Variants in ARHGEF10 observed in about 807,000 individuals in gnomAD.
The protein encoded by ARHGEF10 is Rho guanine nucleotide exchange factor 10, also known as Rho guanine nucleotide exchange factor (GEF) 10.
ARHGEF10 carries 140 observed loss-of-function variants against 147.4 expected under a neutral mutation model. That is an observed-to-expected ratio of 0.95 (90% CI 0.83 to 1.09). The LOEUF is 1.09. Ranked by LOEUF, ARHGEF10 falls within the 50% of genes least tolerant of loss-of-function variation. ARHGEF10 has a pLI of 0.00. For synonymous variants in ARHGEF10, 902 were observed against 695.8 expected (o/e 1.30, Z -4.67); for missense variants, 2,222 against 1,752.7 (o/e 1.27, Z -4.78).
At chr8:1,830,101 G>A (rs751176660) in intron 1 of ARHGEF10, among the ~76,000 whole-genome samples, 1 of 152,212 alleles carries the variant, frequency 6.6e-6, no homozygotes. Context: ...TCCCCGCTCC[G>A]TTCTGTCTGC....
Position 1,948,218 on chromosome 8 carries a change from A to C in ARHGEF10, c.3397+2563A>C, listed in dbSNP as rs561805024. On this transcript the variant is annotated intron_variant, in intron 27 of 28. Transcript: ENST00000349830. The surrounding 1 kb of genome is among the most constrained non-coding windows in gnomAD (Gnocchi z 4.9). ...GCGCCCACTCTCCCGGGCCCCTCCA[A>C]CATCCTGGGCTGGCTCTCCATGGCC... Among the ~76,000 whole-genome samples the C allele has an allele frequency of 6.6e-6, 1 of 152,130 alleles. No homozygotes were observed. Among genetic ancestry groups the C allele is most frequent in the East Asian group, 1.9e-4 (1 of 5,150 alleles).
intron 27 of ARHGEF10, among the ~76,000 whole-genome samples, chr8:1,950,264 G>A (rs1814923711): frequency 6.6e-6 from 1 of 152,198 alleles, no homozygotes; most frequent in African/African-American, 2.4e-5. Context: ...GGTCACTGTT[G>A]GTGCTTCCGG....
At chr8:1,923,992 A>G (rs1812494132) in intron 21 of ARHGEF10, 118 bp downstream of exon 21, 1 of 974,234 alleles carries the variant, frequency 1.0e-6, no homozygotes, top group African/African-American at 1.6e-5. Context: ...CATTGACCTG[A>G]AAGAGTGTTT....
At chr8:1,952,109 C>G (rs1815106049) in intron 27 of ARHGEF10, among the ~76,000 whole-genome samples, 1 of 152,250 alleles carries the variant, frequency 6.6e-6, no homozygotes, top group Admixed American at 6.5e-5. Context: ...GCCTCAAAGG[C>G]CCTTCTCACC....
intron 13 of ARHGEF10, among the ~76,000 whole-genome samples, chr8:1,895,993 G>A (rs1809940355): frequency 6.6e-6 from 1 of 152,158 alleles, no homozygotes; most frequent in African/African-American, 2.4e-5. Flanking sequence ...CTTGCCTGGA[G>A]GTTGAACCCA....
intron 6 of ARHGEF10, among the ~76,000 whole-genome samples, chr8:1,867,384 A>T (rs1418182881): frequency 1.3e-5 from 2 of 152,246 alleles, no homozygotes; most frequent in African/African-American, 4.8e-5. Flanking sequence ...TTTCAAAAAC[A>T]GGAAACATCC....
intron 24 of ARHGEF10, 47 bp downstream of exon 24, chr8:1,928,697 T>C (rs1812878006): frequency 6.3e-7 from 1 of 1,597,244 alleles, no homozygotes; most frequent in Non-Finnish European, 8.6e-7. Context: ...GCTCTGCCCA[T>C]GGAGGGCGTG....
chr8:1,859,613 G>A (rs1490444366), intron 3 of ARHGEF10, among the ~76,000 whole-genome samples: 2 of 151,762 alleles, frequency 1.3e-5, no homozygotes, highest in Non-Finnish European at 2.9e-5. Context: ...TCTTGGTGAG[G>A]GGAGCAGCTG....
At chr8:1,947,706 T>G (rs1489388071) in intron 27 of ARHGEF10, among the ~76,000 whole-genome samples, 1 of 118,486 alleles carries the variant, frequency 8.4e-6, no homozygotes, top group Admixed American at 9.1e-5. Flanking sequence ...CACCCTCTCA[T>G]CCCAGCATCC....
chr8:1,874,118 C>G lies in ARHGEF10; in HGVS notation c.680-2453C>G, dbSNP rs144482042. 1.1e-4 allele frequency among the ~76,000 whole-genome samples: 17 copies of G among 152,360 alleles called. No homozygotes were observed. In the East Asian group the frequency reaches 3.3e-3, roughly 29 times the overall value. On this transcript the variant is annotated intron_variant, in intron 7 of 28. Transcript: ENST00000349830. The stretch of plus-strand genomic sequence containing the variant: ...AACGTTCAATTTTAGAACCACAAAT[C>G]TGCCAGCCCAGGCATTCAAGAGGAA...
At chr8:1,942,740 G>C (rs960092947) in intron 26 of ARHGEF10, among the ~76,000 whole-genome samples, 7 of 152,214 alleles carry the variant, frequency 4.6e-5, no homozygotes, top group African/African-American at 1.4e-4. Flanking sequence ...CATACATGAG[G>C]ATTGGTTTCA....
rs57422654 is a variant in ARHGEF10 at position 1,866,422 on chromosome 8, GACAC to G, written c.546-79_546-76del. 217,412 of 715,426 alleles carry G rather than the reference GACAC, an allele frequency of 0.3. 9,063 individuals are homozygous for G. The highest frequency in any genetic ancestry group is 0.4 in the East Asian group (15,089 of 37,578). The allele number at this position is 715,426 out of a possible 1,614,324, so 44.3% of individuals were successfully genotyped here. On this transcript the variant is annotated intron_variant, in intron 5 of 28. Coordinates refer to ENST00000349830, the MANE Select transcript of ARHGEF10 (RefSeq NM_014629.4). The stretch of plus-strand genomic sequence containing the variant: ...ATAGTAACATATATATATATATTCT[GACAC>G]ACACACACACACACACACACACACT...
At chr8:1,881,049 C>CAGAA (rs1182854450) in intron 9 of ARHGEF10, among the ~76,000 whole-genome samples, 1 of 152,160 alleles carries the variant, frequency 6.6e-6, no homozygotes, top group Non-Finnish European at 1.5e-5. Flanking sequence ...AGGGCGCCAT[C>CAGAA]AGAACCATGG....
chr8:1,903,434 G>C lies in ARHGEF10; in HGVS notation c.1804G>C (p.Glu602Gln). The stretch of plus-strand genomic sequence containing the variant: ...GAAGCAAATAGCCAAAGCCATAAAC[G>C]AAAGATACCTGAACAAGGTTGAGAG... The part of the protein sequence containing the change: ...EVKQIAKAIN[E>Q]RYLNKLLSSG... The change falls in exon 16 of 29, where the codon GAA becomes CAA. Residue 602 changes from glutamate to glutamine, a missense_variant. Glu to Gln is a conservative substitution (Grantham distance 29). Coordinates refer to ENST00000349830, the MANE Select transcript of ARHGEF10 (RefSeq NM_014629.4). 1 of 1,614,188 alleles carries C rather than the reference G, an allele frequency of 6.2e-7. No homozygotes were observed. The highest frequency in any genetic ancestry group is 8.5e-7 in the Non-Finnish European group (1 of 1,180,040).
At chr8:1,860,927 C>T (rs1806077189) in intron 4 of ARHGEF10, among the ~76,000 whole-genome samples, 1 of 152,174 alleles carries the variant, frequency 6.6e-6, no homozygotes. Flanking sequence ...CCCTGTTTCC[C>T]ACTCATGCTT....
rs559749334 is a variant in ARHGEF10 at position 1,885,580 on chromosome 8, C to G, written c.1076-21C>G. On this transcript the variant is annotated intron_variant, in intron 10 of 28. Coordinates refer to ENST00000349830, the MANE Select transcript of ARHGEF10 (RefSeq NM_014629.4). Reference sequence around the variant, plus strand: ...ATATTATTTGAATGTAAAATTCATGCATTTTGACTTTTTTTTTAAGATCAC... The same window carrying G: ...ATATTATTTGAATGTAAAATTCATGGATTTTGACTTTTTTTTTAAGATCAC... The G allele has an allele frequency of 2.1e-4, 309 of 1,507,114 alleles. 4 individuals are homozygous for G. The highest frequency in any genetic ancestry group is 7.2e-4 in the South Asian group (64 of 88,700). The allele number at this position is 1,507,114 out of a possible 1,614,324, so 93.4% of individuals were successfully genotyped here.
At chr8:1,912,703 G>T (rs542204635) in intron 18 of ARHGEF10, among the ~76,000 whole-genome samples, 73 of 152,280 alleles carry the variant, frequency 4.8e-4, no homozygotes, top group African/African-American at 1.3e-3. Context: ...CCATGGATTG[G>T]TTTAAGCTCC....
intron 9 of ARHGEF10, among the ~76,000 whole-genome samples, chr8:1,881,567 C>T (rs780714515): frequency 1.4e-5 from 2 of 146,940 alleles, no homozygotes; most frequent in Admixed American, 6.6e-5. Context: ...AGGGGAGCCC[C>T]CGGGGGATGG....
intron 26 of ARHGEF10, among the ~76,000 whole-genome samples, chr8:1,935,423 T>A (rs1051372259): frequency 1.3e-5 from 2 of 152,224 alleles, no homozygotes; most frequent in African/African-American, 4.8e-5. Context: ...GTGGGTTCAC[T>A]GCCCTGGAAA....
Sources: gnomAD v4.1 joint callset for allele counts (sites outside exome capture counted in the v4.1 genomes callset) on GRCh38, gnomAD v4.1.1 for gene constraint, Gnocchi (gnomAD v3.1) non-coding constraint, MANE v1.5 for transcripts, NCBI Gene and HGNC (gene_info 2026-07-23, HGNC 2026-07-21) for gene names.